The following PCDHGA1 variants were observed in gnomAD, a reference collection of about 807,000 sequenced individuals.
The protein encoded by PCDHGA1 is protocadherin gamma-A1.
PCDHGA1 carries 32 observed loss-of-function variants against 58.0 expected under a neutral mutation model. The ratio of observed to expected loss-of-function variants is 0.55; its 90% confidence interval spans 0.42 to 0.74. The LOEUF is 0.74. Among genes scored for constraint, PCDHGA1 ranks in the 30% least tolerant of loss-of-function variants. The pLI, the probability that PCDHGA1 is intolerant of heterozygous loss-of-function variation, is 0.00. For synonymous variants in PCDHGA1, 498 were observed against 501.1 expected, an observed-to-expected ratio of 0.99 and a Z score of 0.08; for missense variants, 1,205 against 1,182.3, an observed-to-expected ratio of 1.02 and a Z score of -0.28.
At chr5:141,377,774 A>T (rs1279958954) in intron 1 of PCDHGA1, 1 of 152,232 alleles carries the variant, frequency 6.6e-6, no homozygotes, top group Non-Finnish European at 1.5e-5. Context: ...TTGGTGTTAA[A>T]AGACCTGAAT....
intron 1 of PCDHGA1, among the ~76,000 whole-genome samples, chr5:141,381,816 C>G (rs1588905035): frequency 8.2e-6 from 1 of 122,550 alleles, no homozygotes. Context: ...TTCTTTCTTT[C>G]TTTCTTCTTC....
intron 1 of PCDHGA1, chr5:141,372,959 A>T: frequency 1.4e-6 from 1 of 715,196 alleles, no homozygotes; most frequent in Non-Finnish European, 2.2e-6. Context: ...AATTCTTTGT[A>T]GAATTTCCTG....
rs778538278 is a variant in PCDHGA1 at position 141,371,482 on chromosome 5, G to A, written c.2421+38377G>A. The A allele has an allele frequency of 1.4e-5, 22 of 1,613,812 alleles. No individual in the cohort carries two copies. The African/African-American group carries it at 2.8e-4, about 21-fold the overall frequency. Reference sequence around the variant, plus strand: ...CATATACAAGAAGATGCTGAGCTGGGGACTGCCGTTGCCCTGATCAAAACA... The same window carrying A: ...CATATACAAGAAGATGCTGAGCTGGAGACTGCCGTTGCCCTGATCAAAACA... On this transcript the variant is annotated intron_variant, in intron 1 of 3. Coordinates refer to ENST00000517417, the MANE Select transcript of PCDHGA1 (RefSeq NM_018912.3).
intron 1 of PCDHGA1, chr5:141,405,091 C>G (rs761186505): frequency 8.1e-6 from 13 of 1,613,814 alleles, no homozygotes; most frequent in Non-Finnish European, 1.1e-5. Flanking sequence ...CGCTGCTGGC[C>G]CTCAGGCTGA....
In PCDHGA1 at chr5:141,400,602, A is replaced by C; in HGVS notation, c.2421+67497A>C. 3.1e-6 allele frequency: 5 copies of C among 1,590,234 alleles called. No homozygotes were observed. In the South Asian group the frequency reaches 5.6e-5, roughly 18 times the overall value. ...TTACATGAAACTATCGTACATTTTCAAGTCCAATGAGTTGTCTTAGGGAAG... is the reference window on the plus strand; with the variant it reads ...TTACATGAAACTATCGTACATTTTCCAGTCCAATGAGTTGTCTTAGGGAAG... On this transcript the variant is annotated intron_variant, in intron 1 of 3. Transcript: ENST00000517417.
chr5:141,401,345 A>G (rs1233985725), intron 1 of PCDHGA1, among the ~76,000 whole-genome samples: 4 of 152,216 alleles, frequency 2.6e-5, no homozygotes, highest in Non-Finnish European at 4.4e-5. Context: ...TCCATCTCAA[A>G]AAAAAGGAAG....
At chr5:141,393,171 G>C (rs768471669) in intron 1 of PCDHGA1, 10 of 1,613,150 alleles carry the variant, frequency 6.2e-6, no homozygotes, top group Admixed American at 1.7e-5. Context: ...CTTTGGGGTA[G>C]AAATAGAAAT....
chr5:141,433,221 A>G, intron 1 of PCDHGA1: 1 of 1,475,672 alleles, frequency 6.8e-7, no homozygotes, highest in African/African-American at 1.4e-5. Context: ...TTTTTTTTTT[A>G]ATTGCTCTGT....
intron 1 of PCDHGA1, chr5:141,375,531 A>G: frequency 1.2e-6 from 2 of 1,614,040 alleles, no homozygotes; most frequent in Non-Finnish European, 1.7e-6. Context: ...GACGTGGACC[A>G]GAACGCCCAA....
Position 141,374,094 on chromosome 5 carries a change from C to A in PCDHGA1, c.2421+40989C>A. 1 of 1,555,744 alleles carries A rather than the reference C, an allele frequency of 6.4e-7. No homozygotes were observed. The highest frequency in any genetic ancestry group is 1.2e-5 in the South Asian group (1 of 82,772). On this transcript the variant is annotated intron_variant, in intron 1 of 3. Coordinates refer to ENST00000517417, the MANE Select transcript of PCDHGA1 (RefSeq NM_018912.3). ...CCTAATAAGCCAGTAATGGCGCCTC[C>A]GCAGAGGCATCCGCAGCGCAGCGAG...
chr5:141,332,037 C>T lies in PCDHGA1; in HGVS notation c.1353C>T (p.Val451=), dbSNP rs574981095. 6.2e-7 allele frequency: 1 copy of T among 1,614,186 alleles called. No homozygotes were observed. Among genetic ancestry groups the T allele is most frequent in the South Asian group, 1.1e-5 (1 of 91,078 alleles). ...LVTDINDNSP[V]FHQDSYSAYI... ...CAGATATCAATGACAACTCCCCAGTCTTCCATCAGGACTCCTACTCTGCCT... is the reference window on the plus strand; with the variant it reads ...CAGATATCAATGACAACTCCCCAGTTTTCCATCAGGACTCCTACTCTGCCT... Residue 451 remains valine (V), a synonymous_variant, in exon 1 of 4, where the codon GTC becomes GTT. Transcript: ENST00000517417. This position sits in a 1 kb window ranked among gnomAD's most constrained non-coding sequence, Gnocchi z 4.6.
chr5:141,414,903 C>A, intron 1 of PCDHGA1: 2 of 1,614,218 alleles, frequency 1.2e-6, no homozygotes, highest in Non-Finnish European at 1.7e-6. Flanking sequence ...CAGACGGTTC[C>A]ACAGGCGTGG....
At chr5:141,497,741 G>A (rs767561907) in intron 2 of PCDHGA1, among the ~76,000 whole-genome samples, 24 of 152,050 alleles carry the variant, frequency 1.6e-4, no homozygotes, top group Non-Finnish European at 2.6e-4. Context: ...GTTTCGCCAC[G>A]TTGGCCAGGC....
intron 1 of PCDHGA1, among the ~76,000 whole-genome samples, chr5:141,380,213 T>C (rs1284651338): frequency 1.3e-5 from 2 of 152,186 alleles, no homozygotes; most frequent in Admixed American, 6.5e-5. Context: ...AAGGCATTCA[T>C]TTCTGATCAG....
chr5:141,482,885 A>G (rs1353686606), intron 1 of PCDHGA1, among the ~76,000 whole-genome samples: 2 of 152,202 alleles, frequency 1.3e-5, no homozygotes. Flanking sequence ...CAGCCTGGCC[A>G]ACATGGTGAA....
chr5:141,352,763 G>T (rs927333979), intron 1 of PCDHGA1: 5 of 1,302,158 alleles, frequency 3.8e-6, no homozygotes, highest in Non-Finnish European at 5.3e-6. Context: ...GCTGAGGCAG[G>T]TGGATCACTT....
In PCDHGA1 at chr5:141,486,172, T is replaced by C; in HGVS notation, c.2422-8635T>C. ...GGGGTTCTCCAGCCATGGAGCAACA[T>C]TGCAGCCTTCGAGTGGATCTGCTGG... On this transcript the variant is annotated intron_variant, in intron 1 of 3. Transcript: ENST00000517417. The surrounding 1 kb of genome is among the most constrained non-coding windows in gnomAD (Gnocchi z 5.0). 3 of 1,614,212 alleles carry C rather than the reference T, an allele frequency of 1.9e-6. No homozygotes were observed. Among genetic ancestry groups the C allele is most frequent in the Admixed American group, 1.7e-5 (1 of 60,036 alleles).
intron 1 of PCDHGA1, chr5:141,389,758 G>A: frequency 1.2e-6 from 2 of 1,612,792 alleles, no homozygotes; most frequent in Non-Finnish European, 1.7e-6. Flanking sequence ...GGCGAAGTGC[G>A]CACAGCGCGT....
chr5:141,346,881 G>A (rs534651488), intron 1 of PCDHGA1, among the ~76,000 whole-genome samples: 19 of 152,298 alleles, frequency 1.2e-4, no homozygotes, highest in Admixed American at 9.8e-4. Context: ...ATTCCAACCT[G>A]TATAGCTTAT....
Sources: allele counts gnomAD v4.1 joint callset (sites outside exome capture counted in the v4.1 genomes callset), GRCh38; gene constraint gnomAD v4.1.1; non-coding constraint Gnocchi (gnomAD v3.1); transcripts MANE v1.5; gene names NCBI Gene and HGNC (gene_info 2026-07-23, HGNC 2026-07-21).